The following GREB1 variants were observed in gnomAD, a reference collection of about 807,000 sequenced individuals.
GREB1 encodes the protein growth regulating estrogen receptor binding 1.
Under a neutral mutation model 200.7 loss-of-function variants are expected in GREB1, and 106 were observed. That is an observed-to-expected ratio of 0.53 (90% CI 0.45 to 0.62). GREB1 has a LOEUF of 0.62. Ranked by LOEUF, GREB1 falls within the 20% of genes least tolerant of loss-of-function variation. The pLI is 0.00. For synonymous variants in GREB1, 1,132 were observed against 1,092.4 expected (o/e 1.04, Z -0.72); for missense variants, 2,243 against 2,556.8 (o/e 0.88, Z 2.65).
At chr2:11,552,822 T>A (rs374904210) in intron 1 of GREB1, among the ~76,000 whole-genome samples, 3 of 151,906 alleles carry the variant, frequency 2.0e-5, no homozygotes, top group Admixed American at 1.3e-4. Context: ...CCATCCTGGC[T>A]AACACGGTGA....
chr2:11,495,355 A>G (rs770648448), intron 1 of GREB1, among the ~76,000 whole-genome samples: 2 of 152,192 alleles, frequency 1.3e-5, no homozygotes, highest in African/African-American at 2.4e-5. Context: ...GGGTGGGACT[A>G]TATGAACCTG....
At chr2:11,594,993 CTTTT>C (rs371356681) in intron 11 of GREB1, among the ~76,000 whole-genome samples, 15 of 143,270 alleles carry the variant, frequency 1.0e-4, no homozygotes, top group Non-Finnish European at 1.8e-4. Flanking sequence ...TGTGCCTGGC[CTTTT>C]TTTTTTTTTT....
rs537512680 is a variant in GREB1, at chr2:11,585,747, C to T, written c.1016-15C>T. 1 of 1,612,190 alleles carries T rather than the reference C, an allele frequency of 6.2e-7. No homozygotes were observed. Among genetic ancestry groups the T allele is most frequent in the Admixed American group, 1.7e-5 (1 of 59,980 alleles). On this transcript the variant is annotated splice_polypyrimidine_tract_variant and intron_variant, in intron 8 of 32. Coordinates refer to ENST00000381486, the MANE Select transcript of GREB1 (RefSeq NM_014668.4). ...CTTGTCTGATGTTTTCACTAATATTCTTGGGTGTTCCTAGAGAGCGCAGGC... is the reference window on the plus strand; with the variant it reads ...CTTGTCTGATGTTTTCACTAATATTTTTGGGTGTTCCTAGAGAGCGCAGGC...
At chr2:11,574,873 G>A (rs1394386720) in intron 4 of GREB1, among the ~76,000 whole-genome samples, 2 of 152,200 alleles carry the variant, frequency 1.3e-5, no homozygotes, top group South Asian at 2.1e-4. Flanking sequence ...GGACCTTACT[G>A]TTTGTGCTGG....
intron 7 of GREB1, among the ~76,000 whole-genome samples, chr2:11,584,437 C>T (rs1272792445): frequency 1.3e-5 from 2 of 152,092 alleles, no homozygotes; most frequent in African/African-American, 4.8e-5. Flanking sequence ...TCAGTACTGC[C>T]CCCAAGCGGT....
intron 1 of GREB1, among the ~76,000 whole-genome samples, chr2:11,496,641 A>G (rs1408041872): frequency 6.6e-6 from 1 of 152,008 alleles, no homozygotes; most frequent in African/African-American, 2.4e-5. Flanking sequence ...ATGCTGATCT[A>G]TAGTATTTAT....
intron 3 of GREB1, 66 bp from the exon 4 acceptor site, chr2:11,566,414 T>G: frequency 1.3e-6 from 2 of 1,495,388 alleles, no homozygotes; most frequent in South Asian, 1.3e-5. Flanking sequence ...GTTTCCTCCC[T>G]TTGCCCCTGT....
intron 23 of GREB1, 63 bp from the exon 24 acceptor site, chr2:11,625,091 A>T (rs1054200752): frequency 1.5e-6 from 2 of 1,300,238 alleles, no homozygotes; most frequent in Non-Finnish European, 2.2e-6. Flanking sequence ...GTTTAGCGAC[A>T]CATGACTGTA....
At chr2:11,483,948 C>T (rs552385604) in intron 1 of GREB1, among the ~76,000 whole-genome samples, 1 of 152,258 alleles carries the variant, frequency 6.6e-6, no homozygotes, top group Admixed American at 6.5e-5. Context: ...TTTATTATCC[C>T]TTTAAAACAA....
intron 9 of GREB1, 45 bp from the exon 10 acceptor site, chr2:11,588,701 G>C (rs1680424789): frequency 6.4e-7 from 1 of 1,561,034 alleles, no homozygotes; most frequent in African/African-American, 1.3e-5. Flanking sequence ...GGGACCGTAA[G>C]CTGTGCACAA....
intron 1 of GREB1, among the ~76,000 whole-genome samples, chr2:11,539,634 T>G (rs1674574566): frequency 6.6e-6 from 1 of 152,164 alleles, no homozygotes; most frequent in Non-Finnish European, 1.5e-5. Context: ...AAGAATCAGT[T>G]TAACTGTTGG....
Position 11,562,527 on chromosome 2 carries a change from C to A in GREB1, c.222C>A (p.Gly74=), listed in dbSNP as rs770652212. The change falls in exon 3 of 33, where the codon GGC becomes GGA. Residue 74 remains glycine, a synonymous_variant. Transcript: ENST00000381486. The stretch of plus-strand genomic sequence containing the variant: ...GAGAAGGAGGGCTGGAAACAAATGG[C>A]CCCCCAAACCCTTTCCAGCTGCACC... ...EEGEGGLETN[G]PPNPFQLHPL... is the part of the protein sequence containing the mutation. 1.4e-5 allele frequency: 23 copies of A among 1,604,092 alleles called. No individual in the cohort carries two copies. The highest frequency in any genetic ancestry group is 2.7e-5 in the African/African-American group (2 of 73,948).
At chr2:11,557,202 G>A (rs775596303) in intron 2 of GREB1, among the ~76,000 whole-genome samples, 1 of 152,030 alleles carries the variant, frequency 6.6e-6, no homozygotes, top group Non-Finnish European at 1.5e-5. Context: ...AAAACCAAAA[G>A]CAAACATTAT....
At chr2:11,521,631 T>A (rs1673708199) in intron 1 of GREB1, among the ~76,000 whole-genome samples, 1 of 152,240 alleles carries the variant, frequency 6.6e-6, no homozygotes, top group African/African-American at 2.4e-5. Flanking sequence ...GTGAGAGTTC[T>A]CTGTCAAATA....
intron 3 of GREB1, among the ~76,000 whole-genome samples, chr2:11,565,892 TTA>T (rs1677585868): frequency 7.2e-6 from 1 of 138,246 alleles, no homozygotes; most frequent in African/African-American, 2.5e-5. Flanking sequence ...TTTATCTTGT[TTA>T]TGTTTCCGTT....
chr2:11,532,209 A>G (rs1458369503), upstream of GREB1, among the ~76,000 whole-genome samples: 1 of 152,164 alleles, frequency 6.6e-6, no homozygotes, highest in African/African-American at 2.4e-5. Flanking sequence ...CAACCCGCGT[A>G]TAGGAGCCCT....
At chr2:11,552,742 T>G (rs753758369) in intron 1 of GREB1, among the ~76,000 whole-genome samples, 1 of 151,976 alleles carries the variant, frequency 6.6e-6, no homozygotes, top group Non-Finnish European at 1.5e-5. Flanking sequence ...CCGGGCGCGG[T>G]GGCTCACGCC....
chr2:11,578,864 C>T (rs1047460451), intron 6 of GREB1, among the ~76,000 whole-genome samples: 4 of 152,228 alleles, frequency 2.6e-5, no homozygotes, highest in African/African-American at 9.6e-5. Context: ...ACGCTGTGAG[C>T]AGGCGTCAGT....
chr2:11,526,765 C>T (rs1209070962), intron 1 of GREB1, among the ~76,000 whole-genome samples: 2 of 152,008 alleles, frequency 1.3e-5, no homozygotes, highest in Non-Finnish European at 2.9e-5. Flanking sequence ...CCCATGTTGG[C>T]CAGGCTGGTT....
Sources: allele counts gnomAD v4.1 joint callset (sites outside exome capture counted in the v4.1 genomes callset), GRCh38; gene constraint gnomAD v4.1.1; transcripts MANE v1.5; gene names NCBI Gene and HGNC (gene_info 2026-07-23, HGNC 2026-07-21).